ZFAND3: variants seen among roughly 807,000 people sequenced by gnomAD.
ZFAND3 encodes the protein AN1-type zinc finger protein 3.
In ZFAND3, 10 loss-of-function variants were observed where a neutral mutation model predicts 29.6. The observed-to-expected ratio is 0.34, with a 90% CI of 0.21 to 0.57. The LOEUF (loss-of-function observed/expected upper bound fraction) is 0.57, where lower values mean the gene tolerates loss of function less well. Among genes scored for constraint, ZFAND3 ranks in the 20% least tolerant of loss-of-function variants. ZFAND3 has a pLI of 0.86. For synonymous variants in ZFAND3, 128 were observed against 112.6 expected, an observed-to-expected ratio of 1.14 and a Z score of -0.87; for missense variants, 230 against 304.5, an observed-to-expected ratio of 0.76 and a Z score of 1.82.
At chr6:37,983,667 T>A (rs1389396155) in intron 2 of ZFAND3, among the ~76,000 whole-genome samples, 1 of 151,994 alleles carries the variant, frequency 6.6e-6, no homozygotes, top group Non-Finnish European at 1.5e-5. Flanking sequence ...CTGGCCCCAT[T>A]TTTTATCTTT....
chr6:38,061,882 A>G, intron 3 of ZFAND3, 107 bp downstream of exon 3: 3 of 1,338,220 alleles, frequency 2.2e-6, no homozygotes, highest in Admixed American at 2.5e-5. Flanking sequence ...TTTTAATTCA[A>G]GATAAGTGTC....
At chr6:37,852,803 C>A (rs1371032327) in intron 1 of ZFAND3, among the ~76,000 whole-genome samples, 3 of 151,570 alleles carry the variant, frequency 2.0e-5, no homozygotes, top group Non-Finnish European at 4.4e-5. Context: ...GCAATCTCCA[C>A]CTCCTGGGTT....
At chr6:38,115,466 T>C (rs947345260) in intron 4 of ZFAND3, among the ~76,000 whole-genome samples, 7 of 152,194 alleles carry the variant, frequency 4.6e-5, no homozygotes, top group African/African-American at 1.4e-4. Context: ...CAGAGTCACT[T>C]GTCTGCTATG....
intron 1 of ZFAND3, among the ~76,000 whole-genome samples, chr6:37,852,390 GT>G (rs1304883769): frequency 6.6e-6 from 1 of 152,160 alleles, no homozygotes; most frequent in Non-Finnish European, 1.5e-5. Flanking sequence ...CAGTGACTCA[GT>G]TTTTTTGTCT....
At position 37,955,282 on chromosome 6, in the gene ZFAND3, A is replaced by C. The variant is rs141904536; in HGVS notation, c.112+25283A>C. 4.1e-3 allele frequency among the ~76,000 whole-genome samples: 630 copies of C among 152,310 alleles called. 6 individuals carry two copies. The highest frequency in any genetic ancestry group is 0.014 in the African/African-American group (593 of 41,562). On this transcript the variant is annotated intron_variant, in intron 2 of 5. Transcript: ENST00000287218. ...GATAAACTTAGTCTCTCTCCATCTT[A>C]GCTAGAAGTGGAAGTCCTCCAGATC...
chr6:38,075,135 G>A (rs1207551511), intron 3 of ZFAND3, among the ~76,000 whole-genome samples: 1 of 152,180 alleles, frequency 6.6e-6, no homozygotes, highest in African/African-American at 2.4e-5. Context: ...ATGGATTAAG[G>A]AGTCATTTTG....
intron 1 of ZFAND3, among the ~76,000 whole-genome samples, chr6:37,830,296 G>A (rs140099266): frequency 2.6e-5 from 4 of 152,332 alleles, no homozygotes; most frequent in African/African-American, 9.6e-5. Flanking sequence ...AAGTAGAATG[G>A]TGGGATTATA....
intron 4 of ZFAND3, among the ~76,000 whole-genome samples, chr6:38,084,106 A>C (rs148434792): frequency 6.6e-6 from 1 of 152,190 alleles, no homozygotes; most frequent in Non-Finnish European, 1.5e-5. Flanking sequence ...TCTTTAAGAC[A>C]CTAAAGCCTG....
At chr6:38,040,320 C>G (rs1194591153) in intron 2 of ZFAND3, among the ~76,000 whole-genome samples, 1 of 152,116 alleles carries the variant, frequency 6.6e-6, no homozygotes, top group African/African-American at 2.4e-5. Flanking sequence ...CTTAACAATG[C>G]TTAACTATAC....
intron 4 of ZFAND3, among the ~76,000 whole-genome samples, chr6:38,103,483 ACATATATACACGTGTATATATATACACG>A (rs1278022675): frequency 5.7e-4 from 3 of 5,308 alleles, no homozygotes; most frequent in African/African-American, 1.7e-3. Flanking sequence ...ATATATACAC[ACATATATACACGTGTATATATATACACG>A]TGTATATATA....
chr6:37,913,967 T>G (rs1181114897), intron 1 of ZFAND3, among the ~76,000 whole-genome samples: 2 of 151,868 alleles, frequency 1.3e-5, no homozygotes. Context: ...TCAGGTGTTC[T>G]GCTCACCTCA....
chr6:37,883,302 C>T (rs1313742603), intron 1 of ZFAND3, among the ~76,000 whole-genome samples: 3 of 152,148 alleles, frequency 2.0e-5, no homozygotes, highest in East Asian at 1.9e-4. Flanking sequence ...ATAGTACAAG[C>T]AGTGTACAAA....
chr6:38,085,573 G>T (rs559138231), intron 4 of ZFAND3, among the ~76,000 whole-genome samples: 1 of 152,268 alleles, frequency 6.6e-6, no homozygotes, highest in East Asian at 1.9e-4. Context: ...TTATATGTGT[G>T]TGTGTTCATA....
At chr6:38,104,375 G>A (rs969621809) in intron 4 of ZFAND3, among the ~76,000 whole-genome samples, 2 of 152,130 alleles carry the variant, frequency 1.3e-5, no homozygotes, top group African/African-American at 4.8e-5. Flanking sequence ...GACATGTTTT[G>A]CCTTATCTGA....
rs957736683 is a variant in ZFAND3, at chr6:38,153,712, A to T, written c.*1323A>T. 9.1e-6 allele frequency: 9 copies of T among 985,180 alleles called. No individual in the cohort carries two copies. The highest frequency in any genetic ancestry group is 1.1e-5 in the Non-Finnish European group (9 of 829,904). The allele number at this position is 985,180 out of a possible 1,614,324, so 61.0% of individuals were successfully genotyped here. A position where few individuals can be genotyped will look rare whatever the true frequency, so the allele number is the denominator to read the frequency against. On this transcript the variant is annotated 3_prime_UTR_variant, in exon 6 of 6. Transcript: ENST00000287218. ...CCTGGTTGCCCCATGTTAGGAAATCACTACCAGTCAGGTGGGGCTGGGGCT... is the reference window on the plus strand; with the variant it reads ...CCTGGTTGCCCCATGTTAGGAAATCTCTACCAGTCAGGTGGGGCTGGGGCT...
intron 2 of ZFAND3, among the ~76,000 whole-genome samples, chr6:38,045,571 A>C (rs571390598): frequency 2.0e-4 from 31 of 152,212 alleles, no homozygotes; most frequent in Non-Finnish European, 4.0e-4. Flanking sequence ...CTTCCTTTTA[A>C]TCAGTAGTCT....
At chr6:38,065,136 G>GTGA (rs1196850330) in intron 3 of ZFAND3, among the ~76,000 whole-genome samples, 1 of 152,066 alleles carries the variant, frequency 6.6e-6, no homozygotes, top group Non-Finnish European at 1.5e-5. Context: ...GGCCAACCTG[G>GTGA]TGAAACCCCG....
intron 2 of ZFAND3, among the ~76,000 whole-genome samples, chr6:37,951,499 G>A (rs772256921): frequency 1.3e-5 from 2 of 152,120 alleles, no homozygotes; most frequent in African/African-American, 2.4e-5. Context: ...GGAGGCTGAG[G>A]CAGTGGGATC....
In ZFAND3 at chr6:37,837,502, A is replaced by G. The variant is rs544858737; in HGVS notation, c.71+17486A>G. Among the ~76,000 whole-genome samples, 6 of 144,120 alleles carry G rather than the reference A, an allele frequency of 4.2e-5. No individual in the cohort carries two copies. In the East Asian group the frequency reaches 1.2e-3, roughly 28 times the overall value. The allele number at this position is 144,120 out of a possible 152,430, so 94.5% of individuals were successfully genotyped here. A position where few individuals can be genotyped will look rare whatever the true frequency, so the allele number is the denominator to read the frequency against. On this transcript the variant is annotated intron_variant, in intron 1 of 5. Transcript: ENST00000287218. Reference sequence around the variant, plus strand: ...CAATGGGTCCTTTTAATGTATAGATAGTCCTTTTTTTTTTTTTTTGAGATA... The same window carrying G: ...CAATGGGTCCTTTTAATGTATAGATGGTCCTTTTTTTTTTTTTTTGAGATA...
Sources: allele counts gnomAD v4.1 joint callset (sites outside exome capture counted in the v4.1 genomes callset), GRCh38; gene constraint gnomAD v4.1.1; transcripts MANE v1.5; gene names NCBI Gene and HGNC (gene_info 2026-07-23, HGNC 2026-07-21).